The following TNS1 variants were observed in gnomAD, a reference collection of about 807,000 sequenced individuals.
The protein encoded by TNS1 is tensin 1.
In TNS1, 62 loss-of-function variants were observed where a neutral mutation model predicts 168.6. The ratio of observed to expected loss-of-function variants is 0.37; its 90% CI spans 0.30 to 0.45. The LOEUF (loss-of-function observed/expected upper bound fraction) is 0.45. Among genes scored for constraint, TNS1 ranks in the 20% least tolerant of loss-of-function variants. TNS1 has a pLI of 1.00. For synonymous variants in TNS1, 934 were observed against 933.2 expected (o/e 1.00, Z -0.02); for missense variants, 2,240 against 2,339.4 (o/e 0.96, Z 0.88).
At chr2:217,829,556 G>A (rs1219544450) in intron 22 of TNS1, among the ~76,000 whole-genome samples, 2 of 152,186 alleles carry the variant, frequency 1.3e-5, no homozygotes, top group African/African-American at 4.8e-5. Flanking sequence ...CGCTGGGAGA[G>A]GAAGGTGCAA....
rs1226290620 is a variant in TNS1, at chr2:218,031,291, G to A, written c.156+2529C>T. On this transcript the variant is annotated intron_variant, in intron 1 of 1. Transcript: ENST00000649572. ...GTTGTGTGTGAGCGTGTATGAGTGT[G>A]TGAGTGTGTCTTTGTGTATGAGTGT... 1.1e-4 allele frequency among the ~76,000 whole-genome samples: 9 copies of A among 83,772 alleles called. 1 individual carries two copies. The highest frequency in any genetic ancestry group is 2.4e-4 in the African/African-American group (2 of 8,190). 55.0% of individuals were successfully genotyped at this position (83,772 alleles called of 152,430 possible).
chr2:218,018,329 G>T (rs924026340), intron 1 of TNS1, among the ~76,000 whole-genome samples: 1 of 152,144 alleles, frequency 6.6e-6, no homozygotes, highest in African/African-American at 2.4e-5. Context: ...TCCAAATGAG[G>T]TCTGAGTCTT....
chr2:217,897,834 C>T lies in TNS1; in HGVS notation c.507G>A (p.Ala169=), dbSNP rs199566959. ...ENFRSNLREV[A]QMLKSKHGGN... is the part of the protein sequence containing the mutation. ...CTCCATGTTTGGACTTGAGCATCTG[C>T]GCCACCTCACGGAGGTTGCTCCGGA... The change falls in exon 8 of 33, where the codon GCG becomes GCA. Residue 169 remains alanine (A), a synonymous_variant. Transcript: ENST00000682258. 200 of 1,610,578 alleles carry T rather than the reference C, an allele frequency of 1.2e-4. No homozygotes were observed. The Admixed American group carries it at 3.0e-3, about 24-fold the overall frequency.
chr2:217,853,156 C>G (rs1471375244), intron 18 of TNS1, among the ~76,000 whole-genome samples: 1 of 152,108 alleles, frequency 6.6e-6, no homozygotes, highest in Non-Finnish European at 1.5e-5. Flanking sequence ...CCACAAGAAG[C>G]CGGAACACAA....
chr2:217,842,166 C>T (rs904396976), intron 19 of TNS1: 15 of 702,484 alleles, frequency 2.1e-5, no homozygotes, highest in African/African-American at 3.5e-5. Context: ...CCTCTCCTTA[C>T]CTGTCCTCAA....
intron 1 of TNS1, among the ~76,000 whole-genome samples, chr2:218,009,799 G>A (rs1958689893): frequency 6.6e-6 from 1 of 152,154 alleles, no homozygotes; most frequent in South Asian, 2.1e-4. Flanking sequence ...CAAATCCGCC[G>A]CCCTCCCACA....
At chr2:218,031,937 G>A (rs896102904) in intron 1 of TNS1, among the ~76,000 whole-genome samples, 5 of 152,166 alleles carry the variant, frequency 3.3e-5, no homozygotes, top group African/African-American at 7.2e-5. Flanking sequence ...CACTGCTCCC[G>A]CCCCATCCAC....
chr2:217,990,142 CTCAAAACACAT>C (rs1200067345), intron 2 of TNS1, among the ~76,000 whole-genome samples: 2 of 144,010 alleles, frequency 1.4e-5, no homozygotes, highest in Admixed American at 6.9e-5. Flanking sequence ...GCCACAGACC[CTCAAAACACAT>C]CATCCACACA....
At position 217,897,867 on chromosome 2, in the gene TNS1, C is replaced by T. The variant is rs760121167; in HGVS notation, c.474G>A (p.Glu158=). ...IAVSFPSTAN[E]ENFRSNLREV... is the part of the protein sequence containing the mutation. Reference sequence around the variant, plus strand: ...CACGGAGGTTGCTCCGGAAGTTCTCCTCATTGGCTGTGCTGGGGAAGGAGA... The same window carrying T: ...CACGGAGGTTGCTCCGGAAGTTCTCTTCATTGGCTGTGCTGGGGAAGGAGA... The change falls in exon 8 of 33, where the codon GAG becomes GAA. Residue 158 remains glutamate (E), a synonymous_variant. Coordinates refer to ENST00000682258, the MANE Select transcript of TNS1 (RefSeq NM_001387777.1). 2.5e-6 allele frequency: 4 copies of T among 1,613,586 alleles called. No individual in the cohort carries two copies. In the African/African-American group the frequency reaches 5.3e-5, roughly 22 times the overall value.
At position 217,848,945 on chromosome 2, in the gene TNS1, C is replaced by T. The variant is rs1947087246; in HGVS notation, c.1572G>A (p.Thr524=). The change falls in exon 19 of 33, where the codon ACG becomes ACA. Residue 524 remains threonine (T), a synonymous_variant. Coordinates refer to ENST00000682258, the MANE Select transcript of TNS1 (RefSeq NM_001387777.1). ...LSATPNHVEH[T]LSVSSDSGNS... is the part of the protein sequence containing the mutation. ...TGCCCGAGTCGCTGCTCACAGAAAG[C>T]GTGTGTTCCACGTGGTTGGGGGTGG... The T allele has an allele frequency of 3.1e-6, 5 of 1,613,990 alleles. No individual in the cohort carries two copies. Among genetic ancestry groups the T allele is most frequent in the East Asian group, 2.2e-5 (1 of 44,888 alleles).
chr2:217,998,793 C>G (rs931090431), intron 1 of TNS1, among the ~76,000 whole-genome samples: 5 of 152,190 alleles, frequency 3.3e-5, no homozygotes, highest in African/African-American at 4.8e-5. Context: ...ACCACTGTGC[C>G]TGGCCAGATT....
chr2:217,842,934 T>C (rs1001628208), intron 19 of TNS1, among the ~76,000 whole-genome samples: 1 of 152,196 alleles, frequency 6.6e-6, no homozygotes, highest in Non-Finnish European at 1.5e-5. Flanking sequence ...TTTATCTCAA[T>C]GGCACGTATC....
chr2:217,905,479 T>C, intron 6 of TNS1: 1 of 347,404 alleles, frequency 2.9e-6, no homozygotes, highest in South Asian at 2.1e-5. Context: ...CTGCCCCTCC[T>C]GCTCCCGCAG....
At chr2:217,984,659 A>AT (rs1229688467) in intron 2 of TNS1, among the ~76,000 whole-genome samples, 1 of 148,620 alleles carries the variant, frequency 6.7e-6, no homozygotes, top group African/African-American at 2.5e-5. Context: ...CAGCTATTTT[A>AT]TTTTTTTATT....
intron 9 of TNS1, among the ~76,000 whole-genome samples, chr2:217,894,538 T>A (rs1202032087): frequency 6.6e-6 from 1 of 152,070 alleles, no homozygotes; most frequent in Non-Finnish European, 1.5e-5. Flanking sequence ...GTGCCTGTAG[T>A]CCCAGCTACT....
intron 18 of TNS1, among the ~76,000 whole-genome samples, chr2:217,865,954 C>T (rs533058150): frequency 6.6e-6 from 1 of 152,338 alleles, no homozygotes; most frequent in African/African-American, 2.4e-5. Flanking sequence ...CATGGTCACT[C>T]ATCCTACCTA....
At position 217,943,092 on chromosome 2, in the gene TNS1, G is replaced by A. The variant is rs12463709; in HGVS notation, c.187-22856C>T. ...ACAGGAGGGGTGGGGGGAGAGGGAG[G>A]AGCAGGGGGAAGGCAGCTGCCCCTG... On this transcript the variant is annotated intron_variant, in intron 3 of 32. Coordinates refer to ENST00000682258, the MANE Select transcript of TNS1 (RefSeq NM_001387777.1). Among the ~76,000 whole-genome samples, 506 of 152,218 alleles carry A rather than the reference G, an allele frequency of 3.3e-3. 3 individuals carry two copies. Among genetic ancestry groups the A allele is most frequent in the African/African-American group, 0.012 (479 of 41,520 alleles).
At chr2:217,987,982 A>G (rs896350307) in intron 2 of TNS1, among the ~76,000 whole-genome samples, 5 of 152,192 alleles carry the variant, frequency 3.3e-5, no homozygotes, top group Non-Finnish European at 7.3e-5. Context: ...CAGTGAACCC[A>G]GTAGCCCCAG....
intron 22 of TNS1, among the ~76,000 whole-genome samples, chr2:217,826,382 C>T (rs1249355157): frequency 6.6e-6 from 1 of 152,104 alleles, no homozygotes; most frequent in Non-Finnish European, 1.5e-5. Flanking sequence ...CTCTCTCTCC[C>T]ACCCCAGGAC....
Sources: gnomAD v4.1 joint callset for allele counts (sites outside exome capture counted in the v4.1 genomes callset) on GRCh38, gnomAD v4.1.1 for gene constraint, MANE v1.5 for transcripts, NCBI Gene and HGNC (gene_info 2026-07-23, HGNC 2026-07-21) for gene names.